PPFIBP2: variants seen among roughly 807,000 people sequenced by gnomAD.
PPFIBP2 encodes PPFIB scaffold protein 2, also known as liprin-beta-2.
In PPFIBP2, 118 loss-of-function variants were observed where a neutral mutation model predicts 118.3. That is an observed-to-expected ratio of 1.00 (90% CI 0.86 to 1.16). PPFIBP2 has a LOEUF of 1.16. Ranked by LOEUF, PPFIBP2 falls within the 50% of genes most tolerant of loss-of-function variation. The probability of loss-of-function intolerance (pLI) is 0.00; values close to 1 mark genes in which losing one functional copy is unlikely to be tolerated. For synonymous variants in PPFIBP2, 414 were observed against 397.4 expected (o/e 1.04, Z -0.50); for missense variants, 1,195 against 1,073.1 (o/e 1.11, Z -1.59).
intron 1 of PPFIBP2, among the ~76,000 whole-genome samples, chr11:7,517,737 T>C (rs1217129228): frequency 6.6e-6 from 1 of 152,102 alleles, no homozygotes; most frequent in African/African-American, 2.4e-5. Flanking sequence ...AGGTCACCCA[T>C]GTTGATTAAA....
At chr11:7,615,686 A>G (rs999105565) in intron 6 of PPFIBP2, among the ~76,000 whole-genome samples, 4 of 152,244 alleles carry the variant, frequency 2.6e-5, no homozygotes, top group Non-Finnish European at 4.4e-5. Context: ...AACTAGGAAA[A>G]CTGCCTTTCT....
the PPFIBP2 span, chr11:7,665,165 C>A: frequency 2.2e-6 from 1 of 460,794 alleles, no homozygotes; most frequent in Non-Finnish European, 3.8e-6. Context: ...GGAGCTCTTT[C>A]CAGCCTCCAA....
intron 3 of PPFIBP2, chr11:7,576,347 G>A (rs780841670): frequency 3.3e-5 from 5 of 152,422 alleles, no homozygotes; most frequent in Admixed American, 6.5e-5. Context: ...ATAGCCAAAG[G>A]CCACACATTA....
chr11:7,610,888 T>C (rs569952231), intron 6 of PPFIBP2, among the ~76,000 whole-genome samples: 3 of 152,268 alleles, frequency 2.0e-5, no homozygotes, highest in African/African-American at 7.2e-5. Flanking sequence ...ATGGGTCTTA[T>C]GGAGCATGCC....
intron 5 of PPFIBP2, among the ~76,000 whole-genome samples, chr11:7,604,933 C>T (rs1316560281): frequency 1.3e-5 from 2 of 152,172 alleles, no homozygotes; most frequent in African/African-American, 4.8e-5. Context: ...GAGCCAAAGG[C>T]TGCTGGTTGA....
Position 7,653,226 on chromosome 11 carries a change from G to T in PPFIBP2, c.*8G>T. On this transcript the variant is annotated 3_prime_UTR_variant, in exon 24 of 24. Coordinates refer to ENST00000299492, the MANE Select transcript of PPFIBP2 (RefSeq NM_003621.5). Reference sequence around the variant, plus strand: ...GTGGGACAGATTAGCTGATGCCCTTGTCACCTGCCCTCTGTGCACCCTGAG... The same window carrying T: ...GTGGGACAGATTAGCTGATGCCCTTTTCACCTGCCCTCTGTGCACCCTGAG... 1 of 1,613,972 alleles carries T rather than the reference G, an allele frequency of 6.2e-7. No individual in the cohort carries two copies. The highest frequency in any genetic ancestry group is 2.2e-5 in the East Asian group (1 of 44,874).
At chr11:7,617,131 G>A in intron 6 of PPFIBP2, 5 of 985,356 alleles carry the variant, frequency 5.1e-6, no homozygotes, top group South Asian at 4.7e-5. Context: ...AATGTGATCA[G>A]TGAGCTGCAG....
At chr11:7,649,451 A>T in intron 20 of PPFIBP2, 81 bp from the exon 21 acceptor site, 1 of 1,565,780 alleles carries the variant, frequency 6.4e-7, no homozygotes, top group East Asian at 2.2e-5. Context: ...TGACTTGTCT[A>T]TGCTTGGTCT....
intron 2 of PPFIBP2, among the ~76,000 whole-genome samples, chr11:7,561,281 G>T (rs36121918): frequency 0.012 from 1,767 of 152,294 alleles, 34 homozygotes; most frequent in Admixed American, 0.038. Context: ...GGCCAGGCCG[G>T]TCTCGAACTC....
chr11:7,516,376 G>A (rs544398915), intron 1 of PPFIBP2, among the ~76,000 whole-genome samples: 16 of 152,308 alleles, frequency 1.1e-4, no homozygotes, highest in African/African-American at 2.9e-4. Flanking sequence ...TAGGGAATGG[G>A]ACAGTCTCTA....
chr11:7,589,823 C>T (rs1858914506), intron 3 of PPFIBP2, among the ~76,000 whole-genome samples: 1 of 152,216 alleles, frequency 6.6e-6, no homozygotes, highest in Non-Finnish European at 1.5e-5. Context: ...ATCCACTATC[C>T]ATCCAAGCCT....
intron 2 of PPFIBP2, among the ~76,000 whole-genome samples, chr11:7,558,005 CT>C (rs796899950): frequency 2.0e-5 from 3 of 152,316 alleles, no homozygotes; most frequent in African/African-American, 7.2e-5. Context: ...AAAGGTTAGA[CT>C]TTAAAAGTTT....
intron 2 of PPFIBP2, among the ~76,000 whole-genome samples, chr11:7,558,643 C>G (rs1439172504): frequency 6.6e-6 from 1 of 151,932 alleles, no homozygotes; most frequent in Non-Finnish European, 1.5e-5. Flanking sequence ...GTACTCCCAC[C>G]TACTCGGGAG....
the PPFIBP2 span, chr11:7,666,458 AG>A: frequency 6.2e-7 from 1 of 1,609,074 alleles, no homozygotes; most frequent in Middle Eastern, 1.8e-4. Context: ...TACCAATGGG[AG>A]GCCTGTCCAG....
intron 3 of PPFIBP2, among the ~76,000 whole-genome samples, chr11:7,592,400 C>T (rs1211445589): frequency 6.6e-6 from 1 of 152,166 alleles, no homozygotes; most frequent in African/African-American, 2.4e-5. Flanking sequence ...TCTATAGTTT[C>T]TGGCTACCTG....
chr11:7,600,623 C>G (rs1030811279), intron 5 of PPFIBP2, among the ~76,000 whole-genome samples: 5 of 152,190 alleles, frequency 3.3e-5, no homozygotes, highest in African/African-American at 1.2e-4. Flanking sequence ...GCCTGCTGCT[C>G]AAAGCCTCTG....
At chr11:7,642,478 C>G in intron 17 of PPFIBP2, 52 bp downstream of exon 17, 1 of 1,566,580 alleles carries the variant, frequency 6.4e-7, no homozygotes, top group South Asian at 1.2e-5. Flanking sequence ...AAAGAAGTAT[C>G]TCCCTTCAAA....
chr11:7,654,736 C>A (rs1372009270), downstream of PPFIBP2, among the ~76,000 whole-genome samples: 1 of 152,194 alleles, frequency 6.6e-6, no homozygotes, highest in Non-Finnish European at 1.5e-5. Flanking sequence ...TCTTATGTTG[C>A]GGTACAGGGA....
chr11:7,579,646 T>C (rs1313337041), intron 3 of PPFIBP2, among the ~76,000 whole-genome samples: 8 of 152,196 alleles, frequency 5.3e-5, no homozygotes, highest in African/African-American at 1.7e-4. Flanking sequence ...GGAGAAGTTA[T>C]GTGTGTGGAG....
Sources: allele counts gnomAD v4.1 joint callset (sites outside exome capture counted in the v4.1 genomes callset), GRCh38; gene constraint gnomAD v4.1.1; transcripts MANE v1.5; gene names NCBI Gene and HGNC (gene_info 2026-07-23, HGNC 2026-07-21).